Variants in PREX2 observed in about 807,000 individuals in gnomAD.
PREX2 encodes the protein phosphatidylinositol-3,4,5-trisphosphate dependent Rac exchange factor 2, also known as phosphatidylinositol 3,4,5-trisphosphate-dependent Rac exchanger 2 protein.
A neutral mutation model predicts 203.2 loss-of-function variants in PREX2; 107 were observed. The ratio of observed to expected loss-of-function variants is 0.53; its 90% confidence interval spans 0.45 to 0.62. PREX2 has a LOEUF of 0.62. Among genes scored for constraint, PREX2 ranks in the 20% least tolerant of loss-of-function variants. The pLI, the probability that PREX2 is intolerant of heterozygous loss-of-function variation, is 0.00. For missense variants in PREX2, 1,777 were observed against 1,955.9 expected (o/e 0.91, Z 1.72); for synonymous variants, 672 against 663.6 (o/e 1.01, Z -0.19).
chr8:68,123,990 T>C (rs1810837139), intron 30 of PREX2, among the ~76,000 whole-genome samples: 1 of 152,040 alleles, frequency 6.6e-6, no homozygotes, highest in Admixed American at 6.6e-5. Flanking sequence ...CCAGTATTCT[T>C]TATGAACATC....
At chr8:68,009,014 A>T (rs1012408931) in intron 1 of PREX2, among the ~76,000 whole-genome samples, 27 of 152,258 alleles carry the variant, frequency 1.8e-4, no homozygotes, top group African/African-American at 6.5e-4. Flanking sequence ...AATTGAAATA[A>T]ATATGAAACC....
intron 10 of PREX2, among the ~76,000 whole-genome samples, chr8:68,059,839 C>T (rs1000670282): frequency 8.5e-5 from 13 of 152,174 alleles, no homozygotes; most frequent in African/African-American, 2.9e-4. Flanking sequence ...CCAAGGGTTG[C>T]TCTCAGCTTC....
chr8:68,213,105 A>G (rs948416970), intron 37 of PREX2, among the ~76,000 whole-genome samples: 23 of 152,328 alleles, frequency 1.5e-4, no homozygotes, highest in African/African-American at 5.3e-4. Context: ...TACACAGGAT[A>G]CTACAATAAC....
At chr8:68,137,278 T>G (rs1447518788) in intron 32 of PREX2, among the ~76,000 whole-genome samples, 2 of 151,884 alleles carry the variant, frequency 1.3e-5, no homozygotes, top group Non-Finnish European at 2.9e-5. Flanking sequence ...ACATTTTATT[T>G]TTTTTAAGAG....
intron 35 of PREX2, among the ~76,000 whole-genome samples, chr8:68,170,789 C>T (rs537242075): frequency 6.6e-6 from 1 of 152,258 alleles, no homozygotes; most frequent in South Asian, 2.1e-4. Flanking sequence ...TTTAGTCTCT[C>T]TGGCCATGAG....
At chr8:68,097,292 T>A in intron 22 of PREX2, 91 bp downstream of exon 22, 1 of 1,017,096 alleles carries the variant, frequency 9.8e-7, no homozygotes, top group Non-Finnish European at 1.4e-6. Flanking sequence ...TAAAAATAGC[T>A]ATACATGTTG....
chr8:68,002,134 TTTC>T (rs1267686027), intron 1 of PREX2, among the ~76,000 whole-genome samples: 1 of 131,536 alleles, frequency 7.6e-6, no homozygotes, highest in Non-Finnish European at 1.6e-5. Context: ...TTTGCCTTTT[TTTC>T]TTTTTCTTTC....
At chr8:68,085,366 G>C (rs545323887) in intron 18 of PREX2, among the ~76,000 whole-genome samples, 7 of 152,136 alleles carry the variant, frequency 4.6e-5, no homozygotes, top group African/African-American at 1.7e-4. Context: ...TAAAAAACTT[G>C]TTTGAAATAA....
chr8:68,167,964 G>C (rs1046870477), intron 35 of PREX2, among the ~76,000 whole-genome samples: 1 of 152,230 alleles, frequency 6.6e-6, no homozygotes, highest in African/African-American at 2.4e-5. Flanking sequence ...AGCAGCCTTT[G>C]TTTTAATAAA....
rs374963905 is a variant in PREX2, at chr8:68,134,302, G to C, written c.3984+26G>C. On this transcript the variant is annotated intron_variant, in intron 32 of 39. Transcript: ENST00000288368. ...GTAAGGAAATCACATGACTCCCACT[G>C]TCTGTGTCAACTGTAACCTGCACTG... The C allele has an allele frequency of 7.8e-5, 121 of 1,552,572 alleles. No individual in the cohort carries two copies. In the African/African-American group the frequency reaches 1.5e-3, roughly 19 times the overall value.
chr8:68,220,553 C>T (rs1193043983), intron 38 of PREX2, among the ~76,000 whole-genome samples: 3 of 152,084 alleles, frequency 2.0e-5, no homozygotes, highest in Non-Finnish European at 4.4e-5. Context: ...GGTTGACATG[C>T]TCCTTGCCTT....
intron 1 of PREX2, among the ~76,000 whole-genome samples, chr8:67,985,944 T>C (rs1183104025): frequency 1.3e-5 from 2 of 152,160 alleles, no homozygotes; most frequent in African/African-American, 2.4e-5. Flanking sequence ...ACAGATCTAA[T>C]TGAAGCTTTA....
At chr8:68,223,797 C>T (rs894778037) in intron 38 of PREX2, among the ~76,000 whole-genome samples, 1 of 152,046 alleles carries the variant, frequency 6.6e-6, no homozygotes, top group African/African-American at 2.4e-5. Context: ...TTTCATAGAT[C>T]CACATGGACA....
intron 18 of PREX2, 45 bp downstream of exon 18, chr8:68,083,433 G>A (rs372374046): frequency 5.7e-6 from 8 of 1,408,670 alleles, no homozygotes; most frequent in African/African-American, 2.9e-5. Context: ...GTTATACATA[G>A]ATAAGTAACA....
At chr8:68,042,352 G>C (rs148051204) in intron 7 of PREX2, among the ~76,000 whole-genome samples, 105 of 151,930 alleles carry the variant, frequency 6.9e-4, no homozygotes, top group African/African-American at 2.4e-3. Context: ...TATTTGATAC[G>C]TATAACATGA....
intron 37 of PREX2, among the ~76,000 whole-genome samples, chr8:68,210,742 G>T (rs1812727598): frequency 6.6e-6 from 1 of 152,280 alleles, no homozygotes; most frequent in Non-Finnish European, 1.5e-5. Context: ...AGTGATTTTA[G>T]AATAAAATGG....
Position 68,233,697 on chromosome 8 carries a change from G to A in PREX2, c.*2319G>A, listed in dbSNP as rs763795202. On this transcript the variant is annotated 3_prime_UTR_variant, in exon 40 of 40. Coordinates refer to ENST00000288368, the MANE Select transcript of PREX2 (RefSeq NM_024870.4). ...AATCCTCATAATAATGACGTGACAT[G>A]GTACTCTTTTTATCGCGCCCATTTT... The A allele has an allele frequency of 6.6e-6, 1 of 152,044 alleles. No homozygotes were observed. The highest frequency in any genetic ancestry group is 2.4e-5 in the African/African-American group (1 of 41,392). The allele number at this position is 152,044 out of a possible 1,614,324, so 9.4% of individuals were successfully genotyped here.
intron 3 of PREX2, among the ~76,000 whole-genome samples, chr8:68,020,112 CA>C (rs67271230): frequency 0.15 from 22,334 of 151,968 alleles, 1,935 homozygotes; most frequent in African/African-American, 0.22. Context: ...AACCCAGTAG[CA>C]GGAATTTTCC....
Position 68,027,260 on chromosome 8 carries a change from T to C in PREX2, c.480T>C (p.Val160=), listed in dbSNP as rs760844608. The C allele has an allele frequency of 6.2e-7, 1 of 1,612,458 alleles. No homozygotes were observed. Among genetic ancestry groups the C allele is most frequent in the Non-Finnish European group, 8.5e-7 (1 of 1,178,760 alleles). The change falls in exon 5 of 40, where the codon GTT becomes GTC. Residue 160 remains valine (V), a synonymous_variant. Coordinates refer to ENST00000288368, the MANE Select transcript of PREX2 (RefSeq NM_024870.4). ...TTGGAGGACGGAAGAACACAGATGT[T>C]CCCTTGGAAGGATATTTAGTAACAC... ...MLLGGRKNTD[V]PLEGYLVTPI...
Sources: gnomAD v4.1 joint callset for allele counts (sites outside exome capture counted in the v4.1 genomes callset) on GRCh38, gnomAD v4.1.1 for gene constraint, MANE v1.5 for transcripts, NCBI Gene and HGNC (gene_info 2026-07-23, HGNC 2026-07-21) for gene names.